The following RGPD2 variants were observed in gnomAD, a reference collection of about 807,000 sequenced individuals.
RGPD2 encodes RANBP2 like and GRIP domain containing 2, also known as RANBP2-like and GRIP domain-containing protein 2.
A neutral mutation model predicts 36.0 loss-of-function variants in RGPD2; 2 were observed. The ratio of observed to expected loss-of-function variants is 0.06; its 90% CI spans 0.02 to 0.17. RGPD2 has a LOEUF of 0.17. Ranked by LOEUF, RGPD2 falls within the 10% of genes least tolerant of loss-of-function variation. RGPD2 has a pLI of 1.00. For synonymous variants in RGPD2, 19 were observed against 163.8 expected, an observed-to-expected ratio of 0.12 and a Z score of 6.75; for missense variants, 40 against 464.3, an observed-to-expected ratio of 0.09 and a Z score of 8.40.
At chr2:87,870,133 C>T in the RGPD2 span, among the ~76,000 whole-genome samples, 246 of 152,372 alleles carry the variant, frequency 1.6e-3, no homozygotes, top group East Asian at 0.019. Context: ...CATTTGACTA[C>T]TGTATTAATC....
At chr2:87,781,679 C>G (rs1367307208) in intron 20 of RGPD2, among the ~76,000 whole-genome samples, 1 of 150,348 alleles carries the variant, frequency 6.7e-6, no homozygotes, top group Non-Finnish European at 1.5e-5. Context: ...CCAGGCTGGT[C>G]TCGAACTCCT....
the RGPD2 span, among the ~76,000 whole-genome samples, chr2:87,870,511 T>A: frequency 6.6e-6 from 1 of 152,202 alleles, no homozygotes; most frequent in South Asian, 2.1e-4. Flanking sequence ...GAAACCCCCA[T>A]AAAGACTCTG....
the RGPD2 span, chr2:87,972,697 G>A: frequency 1.3e-6 from 2 of 1,588,490 alleles, no homozygotes; most frequent in Non-Finnish European, 1.7e-6. Context: ...AGGAGGCCTG[G>A]GGGGCACTTC....
At chr2:87,842,200 T>C in the RGPD2 span, among the ~76,000 whole-genome samples, 1 of 151,956 alleles carries the variant, frequency 6.6e-6, no homozygotes, top group African/African-American at 2.4e-5. Flanking sequence ...GTGTTGGAAG[T>C]TGTGGCCAGG....
chr2:87,843,654 C>T, the RGPD2 span, among the ~76,000 whole-genome samples: 9 of 151,196 alleles, frequency 6.0e-5, no homozygotes, highest in South Asian at 4.2e-4. Flanking sequence ...GTCAGTGTGG[C>T]AATTCCTCAG....
chr2:87,955,260 C>A, the RGPD2 span, among the ~76,000 whole-genome samples: 1 of 148,600 alleles, frequency 6.7e-6, no homozygotes, highest in East Asian at 2.0e-4. Flanking sequence ...GTGATCCACC[C>A]CCCCACAGCC....
chr2:87,939,881 C>G, the RGPD2 span, among the ~76,000 whole-genome samples: 1 of 151,914 alleles, frequency 6.6e-6, no homozygotes, highest in Non-Finnish European at 1.5e-5. Flanking sequence ...ACATTCATAA[C>G]ACATAAACCA....
chr2:87,938,168 TA>T, the RGPD2 span, among the ~76,000 whole-genome samples: 1 of 151,658 alleles, frequency 6.6e-6, no homozygotes, highest in African/African-American at 2.4e-5. Flanking sequence ...AAAATGGAGC[TA>T]AAGATTCTAT....
the RGPD2 span, among the ~76,000 whole-genome samples, chr2:87,929,119 T>G: frequency 2.0e-5 from 3 of 151,992 alleles, no homozygotes; most frequent in African/African-American, 7.2e-5. Context: ...CATGAAATCT[T>G]TGCCCATGCC....
the RGPD2 span, among the ~76,000 whole-genome samples, chr2:87,985,165 G>C: frequency 7.2e-6 from 1 of 138,504 alleles, no homozygotes; most frequent in Non-Finnish European, 1.6e-5. Flanking sequence ...ATGTTACTGG[G>C]GGAAGAGGGT....
At chr2:87,973,659 A>G in the RGPD2 span, among the ~76,000 whole-genome samples, 2 of 129,718 alleles carry the variant, frequency 1.5e-5, no homozygotes, top group South Asian at 2.6e-4. Flanking sequence ...CATACACAGG[A>G]GCCTTTGATC....
the RGPD2 span, among the ~76,000 whole-genome samples, chr2:87,915,521 TATATATAC>T: frequency 7.0e-6 from 1 of 143,244 alleles, no homozygotes; most frequent in Non-Finnish European, 1.5e-5. Flanking sequence ...ACAATTTTTG[TATATATAC>T]ATATATACAC....
intron 1 of RGPD2, among the ~76,000 whole-genome samples, chr2:87,822,052 C>G (rs1686389295): frequency 6.6e-6 from 1 of 152,024 alleles, no homozygotes; most frequent in African/African-American, 2.4e-5. Context: ...CTAAAATCCT[C>G]CAAAAAAGCT....
At chr2:87,921,354 A>C in the RGPD2 span, among the ~76,000 whole-genome samples, 3 of 152,144 alleles carry the variant, frequency 2.0e-5, no homozygotes, top group Non-Finnish European at 4.4e-5. Context: ...TCAATAGATG[A>C]AGTGTGGTGG....
At chr2:87,947,840 C>T in the RGPD2 span, among the ~76,000 whole-genome samples, 23 of 152,410 alleles carry the variant, frequency 1.5e-4, no homozygotes, top group South Asian at 4.1e-3. Context: ...CTGTGTTTCT[C>T]GCTCTGGTAA....
the RGPD2 span, among the ~76,000 whole-genome samples, chr2:87,877,665 C>T: frequency 1.3e-5 from 2 of 152,336 alleles, no homozygotes; most frequent in South Asian, 2.1e-4. Context: ...ATTATCTGGG[C>T]GTGGTGGCGG....
At chr2:87,825,226 C>T (rs929709135) in intron 1 of RGPD2, 1 of 395,396 alleles carries the variant, frequency 2.5e-6, no homozygotes, top group South Asian at 1.3e-4. Context: ...CAACAACCGA[C>T]TAATTACCAC....
intron 1 of RGPD2, chr2:87,824,962 C>T: frequency 5.2e-6 from 2 of 387,110 alleles, no homozygotes; most frequent in East Asian, 3.7e-5. Context: ...TAAATACTAC[C>T]GTATGGCCCA....
At chr2:87,798,551 A>C (rs1469574707) in intron 8 of RGPD2, among the ~76,000 whole-genome samples, 4 of 10,166 alleles carry the variant, frequency 3.9e-4, no homozygotes, top group Non-Finnish European at 7.3e-4. Flanking sequence ...TCCTCCTTTA[A>C]ACAGCTTTTA....
Sources: gnomAD v4.1 joint callset for allele counts (sites outside exome capture counted in the v4.1 genomes callset) on GRCh38, gnomAD v4.1.1 for gene constraint, MANE v1.5 for transcripts, NCBI Gene and HGNC (gene_info 2026-07-23, HGNC 2026-07-21) for gene names.